The following COL5A2 variants were observed in gnomAD, a reference collection of about 807,000 sequenced individuals.
The protein encoded by COL5A2 is collagen type V alpha 2 chain, also known as collagen alpha-2(V) chain.
A neutral mutation model predicts 208.2 loss-of-function variants in COL5A2; 23 were observed. The ratio of observed to expected loss-of-function variants is 0.11; its 90% CI spans 0.08 to 0.16. The LOEUF (loss-of-function observed/expected upper bound fraction) is 0.16, where lower values mean the gene tolerates loss of function less well. COL5A2 is among the 10% of genes least tolerant of loss of function. The pLI is 1.00. For missense variants in COL5A2, 1,590 were observed against 1,956.4 expected (o/e 0.81, Z 3.53); for synonymous variants, 625 against 628.5 (o/e 0.99, Z 0.08).
At chr2:189,322,576 G>C in the COL5A2 span, among the ~76,000 whole-genome samples, 1 of 152,160 alleles carries the variant, frequency 6.6e-6, no homozygotes, top group African/African-American at 2.4e-5. Context: ...AGAAAATCTA[G>C]AAGAAATGGA....
chr2:189,085,751 G>A lies in COL5A2; in HGVS notation c.712C>T (p.Pro238Ser), dbSNP rs763287143. Residue 238 changes from proline to serine, a missense_variant, in exon 10 of 54, where the codon CCT becomes TCT. Transcript: ENST00000374866. ...CCAGGATCACCAGGTTCACCAGGAG[G>A]TCCTGTAGGTCCTGCACCACCCTAC... ...GQQGGAGPTG[P>S]PGEPGDPGPM... 11 of 1,613,284 alleles carry A rather than the reference G, an allele frequency of 6.8e-6. No individual in the cohort carries two copies. In the East Asian group the frequency reaches 1.1e-4, roughly 16 times the overall value.
At chr2:189,071,118 TGAGG>T (rs1686265095) in intron 18 of COL5A2, among the ~76,000 whole-genome samples, 1 of 152,180 alleles carries the variant, frequency 6.6e-6, no homozygotes, top group African/African-American at 2.4e-5. Flanking sequence ...GAACTTACAT[TGAGG>T]GTGTCCTCTG....
Position 189,190,133 on chromosome 2 carries a change from CACAGTA to C in COL5A2, c.-42+35009_-42+35014del, listed in dbSNP as rs201213440. Among the ~76,000 whole-genome samples, 476 of 152,216 alleles carry C rather than the reference CACAGTA, an allele frequency of 3.1e-3. 2 individuals carry two copies. Among genetic ancestry groups the C allele is most frequent in the African/African-American group, 0.011 (448 of 41,532 alleles). ...AAAAAAGGGGGGGTCATTTTTAATA[CACAGTA>C]AATACTAAAGCAGGTTTCATTCACC... On this transcript the variant is annotated intron_variant, in intron 1 of 10. Transcript: ENST00000649966.
chr2:189,372,102 C>T, the COL5A2 span, among the ~76,000 whole-genome samples: 1 of 152,220 alleles, frequency 6.6e-6, no homozygotes, highest in African/African-American at 2.4e-5. Flanking sequence ...CCAGCTCCAG[C>T]TGCAGCTCAA....
intron 1 of COL5A2, among the ~76,000 whole-genome samples, chr2:189,192,872 C>G (rs537065667): frequency 6.6e-6 from 1 of 152,336 alleles, no homozygotes; most frequent in East Asian, 1.9e-4. Flanking sequence ...TTATCTCAAG[C>G]ATGGGTTCCT....
At chr2:189,231,197 T>A in the COL5A2 span, among the ~76,000 whole-genome samples, 2 of 149,792 alleles carry the variant, frequency 1.3e-5, no homozygotes, top group South Asian at 4.2e-4. Context: ...GAGTTTCTTT[T>A]CAGTCATATA....
chr2:189,420,402 A>G, the COL5A2 span, among the ~76,000 whole-genome samples: 7 of 152,156 alleles, frequency 4.6e-5, no homozygotes, highest in African/African-American at 1.7e-4. Context: ...TGGAGAGCCA[A>G]TTTGCTGTAA....
chr2:189,057,564 A>G (rs1048982202), intron 33 of COL5A2, 137 bp from the exon 34 acceptor site: 5 of 693,460 alleles, frequency 7.2e-6, no homozygotes, highest in Non-Finnish European at 1.3e-5. Flanking sequence ...CATCTGAGAA[A>G]GTTGTCTCTG....
At chr2:189,150,225 G>A (rs1688117823) in intron 1 of COL5A2, among the ~76,000 whole-genome samples, 1 of 152,100 alleles carries the variant, frequency 6.6e-6, no homozygotes, top group Admixed American at 6.6e-5. Flanking sequence ...ACACTAAACA[G>A]TTGTGATTGT....
chr2:189,331,436 G>A, the COL5A2 span, among the ~76,000 whole-genome samples: 1 of 152,332 alleles, frequency 6.6e-6, no homozygotes, highest in South Asian at 2.1e-4. Context: ...GCATTCACAT[G>A]TGTTGAGGGA....
At chr2:189,331,239 A>C in the COL5A2 span, among the ~76,000 whole-genome samples, 1 of 152,190 alleles carries the variant, frequency 6.6e-6, no homozygotes, top group African/African-American at 2.4e-5. Context: ...TGAAACAAAA[A>C]AATTAAACAG....
the COL5A2 span, among the ~76,000 whole-genome samples, chr2:189,345,172 A>C: frequency 6.6e-6 from 1 of 152,206 alleles, no homozygotes; most frequent in African/African-American, 2.4e-5. Context: ...TGGTCTTACA[A>C]TTTTAGATGT....
At chr2:189,159,670 C>A (rs568398006) in intron 1 of COL5A2, among the ~76,000 whole-genome samples, 6 of 151,844 alleles carry the variant, frequency 4.0e-5, no homozygotes, top group East Asian at 1.9e-4. Flanking sequence ...GTTCTATCTT[C>A]CTCTTTATGC....
chr2:189,068,492 T>A (rs1388988316), intron 19 of COL5A2, among the ~76,000 whole-genome samples: 1 of 152,160 alleles, frequency 6.6e-6, no homozygotes, highest in Non-Finnish European at 1.5e-5. Flanking sequence ...TTCACAGTTG[T>A]AAGCACTCAT....
chr2:189,423,330 T>TA, the COL5A2 span, among the ~76,000 whole-genome samples: 2 of 150,684 alleles, frequency 1.3e-5, no homozygotes, highest in East Asian at 3.9e-4. Flanking sequence ...CTTAAGGAAC[T>TA]AAAAAAATAG....
At chr2:189,286,650 A>G in the COL5A2 span, among the ~76,000 whole-genome samples, 1 of 152,186 alleles carries the variant, frequency 6.6e-6, no homozygotes, top group Non-Finnish European at 1.5e-5. Context: ...ACAGTCTTCA[A>G]TGGTTTTAAG....
At chr2:189,288,327 A>T in the COL5A2 span, among the ~76,000 whole-genome samples, 4 of 152,210 alleles carry the variant, frequency 2.6e-5, no homozygotes, top group African/African-American at 9.6e-5. Flanking sequence ...TGTTGACCTC[A>T]TTTGACTTGT....
At chr2:189,393,877 C>T in the COL5A2 span, among the ~76,000 whole-genome samples, 7 of 152,268 alleles carry the variant, frequency 4.6e-5, no homozygotes, top group African/African-American at 7.2e-5. Flanking sequence ...GCAAGACCTT[C>T]GCCACAATAG....
chr2:189,233,465 C>T, the COL5A2 span, among the ~76,000 whole-genome samples: 1 of 151,474 alleles, frequency 6.6e-6, no homozygotes. Flanking sequence ...CCAAAGAACT[C>T]TAAAAAGTAG....
Sources: allele counts gnomAD v4.1 joint callset (sites outside exome capture counted in the v4.1 genomes callset), GRCh38; gene constraint gnomAD v4.1.1; transcripts MANE v1.5; gene names NCBI Gene and HGNC (gene_info 2026-07-23, HGNC 2026-07-21).